Variants in MFSD6 observed in about 807,000 individuals in gnomAD.
MFSD6 encodes major facilitator superfamily domain-containing protein 6.
Under a neutral mutation model 56.3 loss-of-function variants are expected in MFSD6, and 26 were observed. The ratio of observed to expected loss-of-function variants is 0.46; its 90% confidence interval spans 0.34 to 0.64. The LOEUF is 0.64. Among genes scored for constraint, MFSD6 ranks in the 30% least tolerant of loss-of-function variants. MFSD6 has a pLI of 0.01. For missense variants in MFSD6, 750 were observed against 986.2 expected (o/e 0.76, Z 3.21); for synonymous variants, 331 against 366.9 (o/e 0.90, Z 1.12).
rs959556648 is a variant in MFSD6 at position 190,424,866 on chromosome 2, C to G, written c.-54+9453C>G. ...ATGATCTTTTTCAAAACTGCTTTAG[C>G]TATTCGTTTCTTTCCTTTTCTGTAT... On this transcript the variant is annotated intron_variant, in intron 2 of 7. Transcript: ENST00000392328. This position sits in a 1 kb window ranked among gnomAD's most constrained non-coding sequence, Gnocchi z 5.9. Among the ~76,000 whole-genome samples, 2 of 152,134 alleles carry G rather than the reference C, an allele frequency of 1.3e-5. No individual in the cohort carries two copies. The highest frequency in any genetic ancestry group is 1.3e-4 in the Admixed American group (2 of 15,286).
chr2:190,488,932 A>G lies in MFSD6; in HGVS notation c.1792+114A>G, dbSNP rs750443722. ...TGAAGATTGCCCAAAGCTAAATTCCAGTATTCATAATCTCTTTCTAGATTT... is the reference window on the plus strand; with the variant it reads ...TGAAGATTGCCCAAAGCTAAATTCCGGTATTCATAATCTCTTTCTAGATTT... On this transcript the variant is annotated intron_variant, in intron 5 of 7. Transcript: ENST00000392328. This position sits in a 1 kb window ranked among gnomAD's most constrained non-coding sequence, Gnocchi z 6.4. 2 of 1,036,970 alleles carry G rather than the reference A, an allele frequency of 1.9e-6. No homozygotes were observed. Among genetic ancestry groups the G allele is most frequent in the Non-Finnish European group, 1.4e-6 (1 of 738,716 alleles). The allele number at this position is 1,036,970 out of a possible 1,614,324, so 64.2% of individuals were successfully genotyped here. A position where few individuals can be genotyped will look rare whatever the true frequency, so the allele number is the denominator to read the frequency against.
Position 190,434,675 on chromosome 2 carries a change from G to T in MFSD6, c.-53-1302G>T, listed in dbSNP as rs1408360228. On this transcript the variant is annotated intron_variant, in intron 2 of 7. Coordinates refer to ENST00000392328, the MANE Select transcript of MFSD6 (RefSeq NM_017694.4). The surrounding 1 kb of genome is among the most constrained non-coding windows in gnomAD (Gnocchi z 4.3). The stretch of plus-strand genomic sequence containing the variant: ...TCTCAATCTCCTGAACTCATGATCC[G>T]CCCCCCTCAGCCTCCCAAAGTGCTG... Among the ~76,000 whole-genome samples, 1 of 151,998 alleles carries T rather than the reference G, an allele frequency of 6.6e-6. No individual in the cohort carries two copies. The highest frequency in any genetic ancestry group is 2.4e-5 in the African/African-American group (1 of 41,402).
At position 190,458,613 on chromosome 2, in the gene MFSD6, A is replaced by G. The variant is rs1687165076; in HGVS notation, c.1533-11145A>G. ...AGATTCCCTTCCCCCCGAGTGCTTG[A>G]CAGATGGTTATTAGCCTTTGCTTGA... On this transcript the variant is annotated intron_variant, in intron 3 of 7. Coordinates refer to ENST00000392328, the MANE Select transcript of MFSD6 (RefSeq NM_017694.4). The surrounding 1 kb of genome is among the most constrained non-coding windows in gnomAD (Gnocchi z 5.3). Among the ~76,000 whole-genome samples, 1 of 152,146 alleles carries G rather than the reference A, an allele frequency of 6.6e-6. No homozygotes were observed. The highest frequency in any genetic ancestry group is 6.5e-5 in the Admixed American group (1 of 15,274).
rs1342890930 is a variant in MFSD6 at position 190,433,113 on chromosome 2, T to G, written c.-53-2864T>G. 2.0e-5 allele frequency among the ~76,000 whole-genome samples: 3 copies of G among 152,176 alleles called. No homozygotes were observed. Among genetic ancestry groups the G allele is most frequent in the Non-Finnish European group, 4.4e-5 (3 of 68,024 alleles). ...CTAGCTTGAATTATGACTTTTACAG[T>G]GTGTGTGTATGTTTGGGTGTGTGTG... is the stretch of plus-strand genomic sequence containing the variant. On this transcript the variant is annotated intron_variant, in intron 2 of 7. Coordinates refer to ENST00000392328, the MANE Select transcript of MFSD6 (RefSeq NM_017694.4). This position sits in a 1 kb window ranked among gnomAD's most constrained non-coding sequence, Gnocchi z 4.5.
rs1685701283 is a variant in MFSD6 at position 190,423,598 on chromosome 2, A to ATTTC, written c.-54+8188_-54+8189insCTTT. 6.6e-6 allele frequency among the ~76,000 whole-genome samples: 1 copy of ATTTC among 152,226 alleles called. No individual in the cohort carries two copies. The highest frequency in any genetic ancestry group is 1.5e-5 in the Non-Finnish European group (1 of 68,044). ...TATTATGAAGAAAGCTGCTATAAAC[A>ATTTC]TTTATGCATGGGTTTCTGTGTGAAA... On this transcript the variant is annotated intron_variant, in intron 2 of 7. Transcript: ENST00000392328. This position sits in a 1 kb window ranked among gnomAD's most constrained non-coding sequence, Gnocchi z 4.3.
chr2:190,450,549 G>A (rs1686742731), intron 3 of MFSD6, among the ~76,000 whole-genome samples: 1 of 122,386 alleles, frequency 8.2e-6, no homozygotes, highest in South Asian at 2.8e-4. Context: ...CTGGAATGCA[G>A]TGATGCAATC....
chr2:190,450,976 T>C (rs1686757706), intron 3 of MFSD6, among the ~76,000 whole-genome samples: 1 of 152,238 alleles, frequency 6.6e-6, no homozygotes. Flanking sequence ...CCAGTGGTCC[T>C]TGGTTATAAC....
intron 4 of MFSD6, chr2:190,477,267 A>G (rs1222364156): frequency 2.0e-6 from 2 of 984,056 alleles, no homozygotes; most frequent in African/African-American, 1.7e-5. Context: ...ACAAGGTAAT[A>G]TGCAACACAG....
intron 2 of MFSD6, among the ~76,000 whole-genome samples, chr2:190,428,657 AT>A (rs1240227504): frequency 1.7e-5 from 1 of 57,462 alleles, no homozygotes; most frequent in South Asian, 4.5e-4. Context: ...ATGCTTGCTT[AT>A]TTATTTATTT....
rs936122133 is a variant in MFSD6 at position 190,487,481 on chromosome 2, A to G, written c.1631-1176A>G. On this transcript the variant is annotated intron_variant, in intron 4 of 7. Coordinates refer to ENST00000392328, the MANE Select transcript of MFSD6 (RefSeq NM_017694.4). This position sits in a 1 kb window ranked among gnomAD's most constrained non-coding sequence, Gnocchi z 5.5. Reference sequence around the variant, plus strand: ...TGCTAATTATAATGGGGAAAAGTAGAAATAATCTTAATGTCAAAGTAGGTG... The same window carrying G: ...TGCTAATTATAATGGGGAAAAGTAGGAATAATCTTAATGTCAAAGTAGGTG... Among the ~76,000 whole-genome samples the G allele has an allele frequency of 1.3e-5, 2 of 152,238 alleles. No individual in the cohort carries two copies. The highest frequency in any genetic ancestry group is 2.9e-5 in the Non-Finnish European group (2 of 68,034).
chr2:190,412,184 C>T lies in MFSD6; in HGVS notation c.-175-3108C>T. The T allele has an allele frequency of 1.9e-5, 19 of 984,554 alleles. No homozygotes were observed. The highest frequency in any genetic ancestry group is 2.3e-5 in the Non-Finnish European group (19 of 829,152). The allele number at this position is 984,554 out of a possible 1,614,324, so 61.0% of individuals were successfully genotyped here. The stretch of plus-strand genomic sequence containing the variant: ...TGCTTAGAATCCTTAAAAATTAATA[C>T]ATTTCCAGACTTAGAAATCCAGAGC... On this transcript the variant is annotated intron_variant, in intron 1 of 7. Coordinates refer to ENST00000392328, the MANE Select transcript of MFSD6 (RefSeq NM_017694.4). This position sits in a 1 kb window ranked among gnomAD's most constrained non-coding sequence, Gnocchi z 4.1.
chr2:190,463,183 G>C lies in MFSD6; in HGVS notation c.1533-6575G>C, dbSNP rs141711988. Among the ~76,000 whole-genome samples the C allele has an allele frequency of 1.3e-5, 2 of 152,180 alleles. No individual in the cohort carries two copies. The highest frequency in any genetic ancestry group is 3.9e-4 in the East Asian group (2 of 5,180). On this transcript the variant is annotated intron_variant, in intron 3 of 7. Transcript: ENST00000392328. This position sits in a 1 kb window ranked among gnomAD's most constrained non-coding sequence, Gnocchi z 4.4. Reference sequence around the variant, plus strand: ...TCATGGAAGATAGCTGGGAGGAGGGGGACAGTTATGAGAAAACAAATTTTC... The same window carrying C: ...TCATGGAAGATAGCTGGGAGGAGGGCGACAGTTATGAGAAAACAAATTTTC...
intron 4 of MFSD6, among the ~76,000 whole-genome samples, chr2:190,482,605 TATA>T (rs1250217395): frequency 9.2e-5 from 14 of 152,184 alleles, no homozygotes; most frequent in Non-Finnish European, 1.9e-4. Flanking sequence ...TCCCAGCCAT[TATA>T]ATGTGATTTC....
chr2:190,434,727 C>T lies in MFSD6; in HGVS notation c.-53-1250C>T, dbSNP rs1024119941. Among the ~76,000 whole-genome samples the T allele has an allele frequency of 6.6e-5, 10 of 152,138 alleles. No homozygotes were observed. The South Asian group carries it at 8.3e-4, about 13-fold the overall frequency. On this transcript the variant is annotated intron_variant, in intron 2 of 7. Coordinates refer to ENST00000392328, the MANE Select transcript of MFSD6 (RefSeq NM_017694.4). The surrounding 1 kb of genome is among the most constrained non-coding windows in gnomAD (Gnocchi z 4.3). Reference sequence around the variant, plus strand: ...GATTACAGGTGTGAGCCACCGCGCCCGGCCAAAACACTGTTTTTCAAAAAA... The same window carrying T: ...GATTACAGGTGTGAGCCACCGCGCCTGGCCAAAACACTGTTTTTCAAAAAA...
chr2:190,462,499 T>A lies in MFSD6; in HGVS notation c.1533-7259T>A, dbSNP rs542151322. On this transcript the variant is annotated intron_variant, in intron 3 of 7. Coordinates refer to ENST00000392328, the MANE Select transcript of MFSD6 (RefSeq NM_017694.4). This position sits in a 1 kb window ranked among gnomAD's most constrained non-coding sequence, Gnocchi z 5.7. ...CATAAGATTATATTAAATGATGTTA[T>A]GGATTCATGGAGTGCCTGAGCAAGG... Among the ~76,000 whole-genome samples, 20 of 152,340 alleles carry A rather than the reference T, an allele frequency of 1.3e-4. No homozygotes were observed. Among genetic ancestry groups the A allele is most frequent in the African/African-American group, 4.1e-4 (17 of 41,580 alleles).
Position 190,458,517 on chromosome 2 carries a change from G to A in MFSD6, c.1533-11241G>A, listed in dbSNP as rs549817789. ...AAATTTCTGTTGTTGAAGCCACCCA[G>A]TCTGTGGTATTTGTTACAGCAGCCT... is the stretch of plus-strand genomic sequence containing the variant. On this transcript the variant is annotated intron_variant, in intron 3 of 7. Transcript: ENST00000392328. The surrounding 1 kb of genome is among the most constrained non-coding windows in gnomAD (Gnocchi z 5.3). Among the ~76,000 whole-genome samples the A allele has an allele frequency of 1.3e-5, 2 of 152,176 alleles. No individual in the cohort carries two copies. The highest frequency in any genetic ancestry group is 2.9e-5 in the Non-Finnish European group (2 of 68,036).
chr2:190,479,527 A>T (rs1688540877), intron 4 of MFSD6, among the ~76,000 whole-genome samples: 1 of 152,238 alleles, frequency 6.6e-6, no homozygotes, highest in South Asian at 2.1e-4. Context: ...ACAATTAAAC[A>T]TTCATGATTT....
chr2:190,478,547 C>T (rs1158339195), intron 4 of MFSD6, among the ~76,000 whole-genome samples: 1 of 152,188 alleles, frequency 6.6e-6, no homozygotes, highest in African/African-American at 2.4e-5. Flanking sequence ...GTCCAAATGG[C>T]TTTAAAGTCC....
rs1477556224 is a variant in MFSD6 at position 190,433,723 on chromosome 2, A to C, written c.-53-2254A>C. ...GATAACAGATAAATTGACTCCTTAC[A>C]CAGGTCTCCTTAAGTTGTGTTCCAT... On this transcript the variant is annotated intron_variant, in intron 2 of 7. Coordinates refer to ENST00000392328, the MANE Select transcript of MFSD6 (RefSeq NM_017694.4). The surrounding 1 kb of genome is among the most constrained non-coding windows in gnomAD (Gnocchi z 4.5). Among the ~76,000 whole-genome samples, 1 of 152,204 alleles carries C rather than the reference A, an allele frequency of 6.6e-6. No homozygotes were observed. Among genetic ancestry groups the C allele is most frequent in the Non-Finnish European group, 1.5e-5 (1 of 68,038 alleles).
Sources: allele counts gnomAD v4.1 joint callset (sites outside exome capture counted in the v4.1 genomes callset), GRCh38; gene constraint gnomAD v4.1.1; non-coding constraint Gnocchi (gnomAD v3.1); transcripts MANE v1.5; gene names NCBI Gene and HGNC (gene_info 2026-07-23, HGNC 2026-07-21).